The following ARPP21 variants were observed in gnomAD, a reference collection of about 807,000 sequenced individuals.
The protein encoded by ARPP21 is cAMP regulated phosphoprotein 21, also known as cAMP-regulated phosphoprotein 21.
ARPP21 carries 69 observed loss-of-function variants against 113.2 expected under a neutral mutation model. The ratio of observed to expected loss-of-function variants is 0.61; its 90% CI spans 0.50 to 0.74. The LOEUF (loss-of-function observed/expected upper bound fraction) is 0.74, where lower values mean the gene tolerates loss of function less well. Among genes scored for constraint, ARPP21 ranks in the 30% least tolerant of loss-of-function variants. The pLI, the probability that ARPP21 is intolerant of heterozygous loss-of-function variation, is 0.00. For missense variants in ARPP21, 1,070 were observed against 1,037.4 expected, an observed-to-expected ratio of 1.03 and a Z score of -0.43; for synonymous variants, 368 against 375.5, an observed-to-expected ratio of 0.98 and a Z score of 0.23.
At chr3:35,723,851 A>C (rs2093325209) in intron 14 of ARPP21, among the ~76,000 whole-genome samples, 1 of 152,200 alleles carries the variant, frequency 6.6e-6, no homozygotes, top group Non-Finnish European at 1.5e-5. Flanking sequence ...GTCAAAGTGC[A>C]GGCATGGGAA....
chr3:35,778,866 C>T (rs1427791733), intron 19 of ARPP21, among the ~76,000 whole-genome samples: 1 of 152,298 alleles, frequency 6.6e-6, no homozygotes, highest in Non-Finnish European at 1.5e-5. Flanking sequence ...GGAATTGTTA[C>T]TATTAGTTTG....
intron 5 of ARPP21, among the ~76,000 whole-genome samples, chr3:35,687,073 A>G (rs2080838918): frequency 6.6e-6 from 1 of 151,180 alleles, no homozygotes; most frequent in Non-Finnish European, 1.5e-5. Context: ...ATATAATTCT[A>G]CTTCCTACCT....
chr3:35,734,405 A>T (rs1249682852), intron 15 of ARPP21, among the ~76,000 whole-genome samples: 2 of 152,228 alleles, frequency 1.3e-5, no homozygotes, highest in Admixed American at 6.5e-5. Flanking sequence ...CATTTAAAAC[A>T]ATAAAATGCA....
At chr3:35,779,304 CA>C (rs2151692430) in intron 19 of ARPP21, among the ~76,000 whole-genome samples, 1 of 152,230 alleles carries the variant, frequency 6.6e-6, no homozygotes, top group East Asian at 1.9e-4. Context: ...ACCAACAAAA[CA>C]GAACACAATT....
Position 35,668,011 on chromosome 3 carries a change from G to GAAGAAGAAGAAA in ARPP21, c.-212-11765_-212-11764insAAAGAAGAAGAA, listed in dbSNP as rs1559549967. Among the ~76,000 whole-genome samples the GAAGAAGAAGAAA allele has an allele frequency of 5.9e-4, 88 of 150,088 alleles. 1 individual carries two copies. The highest frequency in any genetic ancestry group is 2.0e-3 in the African/African-American group (82 of 40,264). On this transcript the variant is annotated intron_variant, in intron 1 of 20. Coordinates refer to ENST00000684406, the MANE Select transcript of ARPP21 (RefSeq NM_001385562.1). ...AGAAGAAGAAGAAGAAGAAGAAGAA[G>GAAGAAGAAGAAA]AAGAAGAAGAAGAAGAAGAAGGAGA...
rs777884993 is a variant in ARPP21 at position 35,687,736 on chromosome 3, C to T, written c.262-3C>T. 6.3e-7 allele frequency: 1 copy of T among 1,596,960 alleles called. No homozygotes were observed. Among genetic ancestry groups the T allele is most frequent in the East Asian group, 2.2e-5 (1 of 44,518 alleles). The stretch of plus-strand genomic sequence containing the variant: ...CTAAATTATTATATTTTTTCCCCAA[C>T]AGGAATCAATTCATTTACAGCTTTC... On this transcript the variant is annotated splice_region_variant and splice_polypyrimidine_tract_variant and intron_variant, in intron 5 of 20. Coordinates refer to ENST00000684406, the MANE Select transcript of ARPP21 (RefSeq NM_001385562.1).
At chr3:35,641,257 A>G (rs904023731) in intron 1 of ARPP21, among the ~76,000 whole-genome samples, 2 of 94,994 alleles carry the variant, frequency 2.1e-5, no homozygotes, top group African/African-American at 8.9e-5. Flanking sequence ...TCTCAAAACA[A>G]GAAGGACATT....
chr3:35,761,287 C>T, intron 19 of ARPP21, among the ~76,000 whole-genome samples: 1 of 152,174 alleles, frequency 6.6e-6, no homozygotes, highest in African/African-American at 2.4e-5. Context: ...ATGATTAAAA[C>T]TATAAGGTGG....
At chr3:35,726,492 G>T (rs925335701) in intron 14 of ARPP21, among the ~76,000 whole-genome samples, 1 of 152,228 alleles carries the variant, frequency 6.6e-6, no homozygotes, top group Non-Finnish European at 1.5e-5. Flanking sequence ...TGCATGTGCA[G>T]AGAATTTAAG....
Position 35,681,718 on chromosome 3 carries a change from T to C in ARPP21, c.-34T>C. 1 of 1,588,546 alleles carries C rather than the reference T, an allele frequency of 6.3e-7. No homozygotes were observed. Among genetic ancestry groups the C allele is most frequent in the Non-Finnish European group, 8.6e-7 (1 of 1,159,882 alleles). ...TCTGATATCTTAACCTTCTAGGGCA[T>C]AAAATCTTGTTATTTTAATTTGCAT... On this transcript the variant is annotated 5_prime_UTR_variant, in exon 3 of 21. Coordinates refer to ENST00000684406, the MANE Select transcript of ARPP21 (RefSeq NM_001385562.1).
intron 19 of ARPP21, among the ~76,000 whole-genome samples, chr3:35,751,953 A>G (rs2095419419): frequency 6.6e-6 from 1 of 152,110 alleles, no homozygotes; most frequent in Non-Finnish European, 1.5e-5. Context: ...TAATTTGGAA[A>G]TACGTCATTA....
chr3:35,741,902 C>T (rs967877960), intron 18 of ARPP21, among the ~76,000 whole-genome samples: 1 of 152,084 alleles, frequency 6.6e-6, no homozygotes, highest in Non-Finnish European at 1.5e-5. Flanking sequence ...GATCATAGTT[C>T]CTAAGAGCTA....
At chr3:35,773,061 A>G (rs926557153) in intron 19 of ARPP21, among the ~76,000 whole-genome samples, 1 of 152,136 alleles carries the variant, frequency 6.6e-6, no homozygotes, top group African/African-American at 2.4e-5. Flanking sequence ...ATTTCTTATC[A>G]TTCATAGGAC....
chr3:35,667,839 TCAAAGAAGAAGAAGA>T lies in ARPP21; in HGVS notation c.-212-11947_-212-11933del, dbSNP rs1459545123. Among the ~76,000 whole-genome samples the T allele has an allele frequency of 5.0e-3, 243 of 48,422 alleles. 8 individuals carry two copies. Among genetic ancestry groups the T allele is most frequent in the African/African-American group, 0.017 (232 of 13,916 alleles). The allele number at this position is 48,422 out of a possible 152,430, so 31.8% of individuals were successfully genotyped here. A position where few individuals can be genotyped will look rare whatever the true frequency, so the allele number is the denominator to read the frequency against. On this transcript the variant is annotated intron_variant, in intron 1 of 20. Coordinates refer to ENST00000684406, the MANE Select transcript of ARPP21 (RefSeq NM_001385562.1). ...AAGATCACCTGCAGTACTTTTATTCTCAAAGAAGAAGAAGAAGAAGAAGAAGAAGAAGAAGAAGAA... is the reference window on the plus strand; with the variant it reads ...AAGATCACCTGCAGTACTTTTATTCTAGAAGAAGAAGAAGAAGAAGAAGAA...
intron 18 of ARPP21, among the ~76,000 whole-genome samples, chr3:35,741,856 G>T (rs898065634): frequency 2.0e-5 from 3 of 152,084 alleles, no homozygotes; most frequent in African/African-American, 4.8e-5. Flanking sequence ...AGAGGATGAG[G>T]TTAGACCAAG....
intron 15 of ARPP21, among the ~76,000 whole-genome samples, chr3:35,734,788 T>C (rs928077698): frequency 6.6e-6 from 1 of 152,226 alleles, no homozygotes; most frequent in Admixed American, 6.5e-5. Context: ...TGCTCCATTT[T>C]ACTTTCCTAA....
At chr3:35,786,969 A>G (rs1252269156) in intron 19 of ARPP21, among the ~76,000 whole-genome samples, 5 of 152,230 alleles carry the variant, frequency 3.3e-5, no homozygotes, top group Admixed American at 2.0e-4. Context: ...GGCTACTGTG[A>G]ACACCACAGT....
chr3:35,706,191 A>G (rs2088926293), intron 9 of ARPP21, among the ~76,000 whole-genome samples: 1 of 152,206 alleles, frequency 6.6e-6, no homozygotes, highest in South Asian at 2.1e-4. Context: ...GATGAACCCA[A>G]GTCCAGATCA....
At chr3:35,776,016 A>T (rs550120265) in intron 19 of ARPP21, among the ~76,000 whole-genome samples, 1 of 152,264 alleles carries the variant, frequency 6.6e-6, no homozygotes, top group African/African-American at 2.4e-5. Flanking sequence ...TTTAATGTCC[A>T]TTTTACTATT....
Sources: allele counts gnomAD v4.1 joint callset (sites outside exome capture counted in the v4.1 genomes callset), GRCh38; gene constraint gnomAD v4.1.1; transcripts MANE v1.5; gene names NCBI Gene and HGNC (gene_info 2026-07-23, HGNC 2026-07-21).